The following ELAVL4 variants were observed in gnomAD, a reference collection of about 807,000 sequenced individuals.
The protein encoded by ELAVL4 is ELAV-like protein 4.
A neutral mutation model predicts 35.6 loss-of-function variants in ELAVL4; 1 was observed. The observed-to-expected ratio is 0.03, with a 90% CI of 0.01 to 0.13. ELAVL4 has a LOEUF of 0.13. Among genes scored for constraint, ELAVL4 ranks in the 10% least tolerant of loss-of-function variants. The pLI is 1.00. For synonymous variants in ELAVL4, 156 were observed against 171.0 expected, an observed-to-expected ratio of 0.91 and a Z score of 0.69; for missense variants, 267 against 464.9, an observed-to-expected ratio of 0.57 and a Z score of 3.91.
chr1:50,115,381 T>C (rs1197025173), intron 1 of ELAVL4: 1 of 152,058 alleles, frequency 6.6e-6, no homozygotes, highest in Non-Finnish European at 1.5e-5. Context: ...TTGGAAAGTC[T>C]TATTTTTAAC....
intron 2 of ELAVL4, among the ~76,000 whole-genome samples, chr1:50,170,842 G>A (rs563615290): frequency 1.3e-5 from 2 of 152,088 alleles, no homozygotes; most frequent in African/African-American, 4.8e-5. Flanking sequence ...AGACCAGGCT[G>A]AGCAACAAAA....
At chr1:50,075,558 G>A (rs1055039704) in intron 1 of ELAVL4, among the ~76,000 whole-genome samples, 41 of 152,316 alleles carry the variant, frequency 2.7e-4, no homozygotes, top group Admixed American at 2.4e-3. Flanking sequence ...GCTCCAGCAT[G>A]GAGGCCTGGA....
At position 50,157,665 on chromosome 1, in the gene ELAVL4, G is replaced by A. The variant is rs562433814; in HGVS notation, c.250+12468G>A. Among the ~76,000 whole-genome samples, 9 of 152,338 alleles carry A rather than the reference G, an allele frequency of 5.9e-5. No homozygotes were observed. In the South Asian group the frequency reaches 1.7e-3, roughly 28 times the overall value. On this transcript the variant is annotated intron_variant, in intron 2 of 6. Coordinates refer to ENST00000371824, the MANE Select transcript of ELAVL4 (RefSeq NM_001144774.3). The stretch of plus-strand genomic sequence containing the variant: ...CATGCATTGGGAAAATTGGTTAGCA[G>A]AGTTCATAAGAAAGTTTAATTAGCA...
At chr1:50,162,581 T>C (rs1676993670) in intron 2 of ELAVL4, among the ~76,000 whole-genome samples, 1 of 152,122 alleles carries the variant, frequency 6.6e-6, no homozygotes, top group African/African-American at 2.4e-5. Flanking sequence ...GGGTTTGTTG[T>C]TGTTGCGTTG....
chr1:50,119,358 G>C (rs753963670), intron 1 of ELAVL4, among the ~76,000 whole-genome samples: 2 of 152,022 alleles, frequency 1.3e-5, no homozygotes, highest in Non-Finnish European at 2.9e-5. Context: ...CCATATTTTA[G>C]CCTTGGAAAA....
rs187081185 is a variant in ELAVL4, at chr1:50,126,032, C to T, written c.9+16834C>T. On this transcript the variant is annotated intron_variant, in intron 1 of 6. Transcript: ENST00000371824. ...AAAGAACCTGAATCGGGGCCCGGCA[C>T]CTAGTAGGCATCTAATAAAGGAAGA... Among the ~76,000 whole-genome samples, 805 of 152,104 alleles carry T rather than the reference C, an allele frequency of 5.3e-3. 6 individuals are homozygous for T. The highest frequency in any genetic ancestry group is 0.017 in the Middle Eastern group (5 of 294).
At chr1:50,130,686 T>C (rs369646914) in intron 1 of ELAVL4, among the ~76,000 whole-genome samples, 2 of 152,134 alleles carry the variant, frequency 1.3e-5, no homozygotes, top group Admixed American at 1.3e-4. Flanking sequence ...TACTTATTTA[T>C]TTACTTCCTT....
At chr1:50,147,830 T>C (rs961973680) in intron 2 of ELAVL4, among the ~76,000 whole-genome samples, 2 of 152,156 alleles carry the variant, frequency 1.3e-5, no homozygotes, top group African/African-American at 4.8e-5. Flanking sequence ...ATTAAGATTT[T>C]CCAGCCCCAA....
upstream of ELAVL4, among the ~76,000 whole-genome samples, chr1:50,099,483 C>G (rs1444206021): frequency 2.0e-5 from 3 of 147,626 alleles, no homozygotes. Context: ...TTGCTTGAAC[C>G]AGGAAGGCAG....
intron 1 of ELAVL4, among the ~76,000 whole-genome samples, chr1:50,116,318 G>A (rs573641621): frequency 7.2e-5 from 11 of 151,942 alleles, no homozygotes; most frequent in Non-Finnish European, 1.5e-4. Flanking sequence ...GATAGTGACC[G>A]TTTTGGCATG....
upstream of ELAVL4, among the ~76,000 whole-genome samples, chr1:50,108,252 T>A (rs192370965): frequency 1.4e-4 from 22 of 152,272 alleles, no homozygotes; most frequent in Admixed American, 1.2e-3. Flanking sequence ...TCTTTTTGTT[T>A]ATTAGGAAAT....
At position 50,053,345 on chromosome 1, in the gene ELAVL4, T is replaced by C. The variant is rs529997838; in HGVS notation, c.18+5163T>C. On this transcript the variant is annotated intron_variant, in intron 1 of 6. Coordinates refer to the ELAVL4 transcript ENST00000448907. ...CAGATGACTGATGGATGATTGGTTT[T>C]TGTTTTTTATGTTTTGTGTTTTTGA... 4.8e-4 allele frequency among the ~76,000 whole-genome samples: 73 copies of C among 152,310 alleles called. 1 individual carries two copies. Among genetic ancestry groups the C allele is most frequent in the African/African-American group, 1.8e-3 (73 of 41,568 alleles).
intron 1 of ELAVL4, chr1:50,115,298 A>C (rs940262503): frequency 6.6e-6 from 1 of 152,136 alleles, no homozygotes; most frequent in Admixed American, 6.6e-5. Context: ...ATTTTGGTTG[A>C]GAAAGCAGTA....
rs150666354 is a variant in ELAVL4 at position 50,128,166 on chromosome 1, G to A, written c.10-16791G>A. Among the ~76,000 whole-genome samples the A allele has an allele frequency of 9.0e-3, 1,364 of 152,234 alleles. 21 individuals carry two copies. The highest frequency in any genetic ancestry group is 0.011 in the Admixed American group (174 of 15,278). On this transcript the variant is annotated intron_variant, in intron 1 of 6. Transcript: ENST00000371824. ...AAACAGAGGAGATCTAATTTCCTATGTGGAGATGAAGAAACAAAGGCTGTA... is the reference window on the plus strand; with the variant it reads ...AAACAGAGGAGATCTAATTTCCTATATGGAGATGAAGAAACAAAGGCTGTA...
intron 1 of ELAVL4, among the ~76,000 whole-genome samples, chr1:50,077,651 T>G (rs981710421): frequency 6.6e-6 from 1 of 152,216 alleles, no homozygotes; most frequent in Non-Finnish European, 1.5e-5. Context: ...GATACATAAA[T>G]TAACTATCAT....
chr1:50,146,353 C>A (rs1226715458), intron 2 of ELAVL4, among the ~76,000 whole-genome samples: 1 of 152,098 alleles, frequency 6.6e-6, no homozygotes, highest in Non-Finnish European at 1.5e-5. Context: ...CTGCTACTTT[C>A]CAAAATACAA....
intron 1 of ELAVL4, among the ~76,000 whole-genome samples, chr1:50,073,465 T>C (rs767875830): frequency 6.6e-6 from 1 of 152,138 alleles, no homozygotes; most frequent in Non-Finnish European, 1.5e-5. Context: ...TAAAAACCCA[T>C]GTCCTTTTTT....
chr1:50,086,608 T>C (rs1336592438), intron 1 of ELAVL4, among the ~76,000 whole-genome samples: 2 of 151,902 alleles, frequency 1.3e-5, no homozygotes, highest in African/African-American at 2.4e-5. Context: ...CCTTGGGAAA[T>C]TGTTCAGTGA....
chr1:50,163,309 T>C (rs947713936), intron 2 of ELAVL4, among the ~76,000 whole-genome samples: 3 of 152,228 alleles, frequency 2.0e-5, no homozygotes, highest in Non-Finnish European at 4.4e-5. Flanking sequence ...CTGACTTTTC[T>C]ACTAGATCAT....
Sources: gnomAD v4.1 joint callset for allele counts (sites outside exome capture counted in the v4.1 genomes callset) on GRCh38, gnomAD v4.1.1 for gene constraint, MANE v1.5 for transcripts, NCBI Gene and HGNC (gene_info 2026-07-23, HGNC 2026-07-21) for gene names.